The following TRPV1 variants were observed in gnomAD, a reference collection of about 807,000 sequenced individuals.
TRPV1 encodes the protein transient receptor potential cation channel subfamily V member 1.
Under a neutral mutation model 82.3 loss-of-function variants are expected in TRPV1, and 82 were observed. That is an observed-to-expected ratio of 1.00 (90% CI 0.83 to 1.20). The LOEUF is 1.20. Among genes scored for constraint, TRPV1 ranks in the 50% most tolerant of loss-of-function variants. TRPV1 has a pLI of 0.00. For synonymous variants in TRPV1, 515 were observed against 467.7 expected (o/e 1.10, Z -1.30); for missense variants, 1,067 against 1,096.8 (o/e 0.97, Z 0.38).
intron 2 of TRPV1, among the ~76,000 whole-genome samples, chr17:3,595,230 A>G (rs1466695612): frequency 6.6e-6 from 1 of 152,156 alleles, no homozygotes; most frequent in Non-Finnish European, 1.5e-5. Flanking sequence ...TCATTCCCAC[A>G]ACATCCCTAA....
At position 3,574,536 on chromosome 17, in the gene TRPV1, C is replaced by T. The variant is rs1214033106; in HGVS notation, c.1781-581G>A. On this transcript the variant is annotated intron_variant, in intron 13 of 16. Coordinates refer to ENST00000572705, the MANE Select transcript of TRPV1 (RefSeq NM_080704.4). ...TAGGTCTCTCTTAGTCACAGGTGCC[C>T]ATCCCTCCCAGCCAGGGATTCCAAC... is the stretch of plus-strand genomic sequence containing the variant. Among the ~76,000 whole-genome samples the T allele has an allele frequency of 3.9e-5, 6 of 152,348 alleles. 1 individual carries two copies. The South Asian group carries it at 1.0e-3, about 26-fold the overall frequency.
intron 2 of TRPV1, among the ~76,000 whole-genome samples, chr17:3,594,451 C>A (rs546122988): frequency 6.6e-6 from 1 of 152,236 alleles, no homozygotes; most frequent in African/African-American, 2.4e-5. Flanking sequence ...ACAACTGGGC[C>A]ATGGCTGTAA....
At chr17:3,589,081 C>A in intron 7 of TRPV1, 1 of 941,482 alleles carries the variant, frequency 1.1e-6, no homozygotes, top group Admixed American at 2.0e-5. Flanking sequence ...AGGCCAAGAG[C>A]TGGAGGCCTG....
At chr17:3,597,017 C>G (rs144321894) in intron 2 of TRPV1, 2,305 of 152,472 alleles carry the variant, frequency 0.015, 36 homozygotes, top group Non-Finnish European at 0.022. Flanking sequence ...GAAGAGTGGT[C>G]TCCCCGCCTC....
chr17:3,591,459 A>G (rs950786081), intron 3 of TRPV1, 106 bp from the exon 4 acceptor site: 3 of 1,351,522 alleles, frequency 2.2e-6, no homozygotes, highest in African/African-American at 2.9e-5. Context: ...CAAACCAAAA[A>G]GGGGAAAAAT....
At chr17:3,587,380 G>A (rs1195196581) in intron 8 of TRPV1, among the ~76,000 whole-genome samples, 1 of 152,184 alleles carries the variant, frequency 6.6e-6, no homozygotes, top group Non-Finnish European at 1.5e-5. Context: ...TGCCTTAGGA[G>A]CTCAGAGCAT....
intron 13 of TRPV1, among the ~76,000 whole-genome samples, chr17:3,576,522 G>A (rs1450114083): frequency 6.6e-6 from 1 of 151,444 alleles, no homozygotes; most frequent in African/African-American, 2.4e-5. Flanking sequence ...CGTGGTAGCA[G>A]GCACTTGTAG....
chr17:3,579,374 G>C (rs965619025), intron 11 of TRPV1, among the ~76,000 whole-genome samples: 2 of 152,128 alleles, frequency 1.3e-5, no homozygotes, highest in African/African-American at 4.8e-5. Context: ...ACTGTGAGCC[G>C]AGATCCCAGG....
Position 3,591,204 on chromosome 17 carries a change from G to A in TRPV1, c.434C>T (p.Thr145Ile). 1 of 1,611,146 alleles carries A rather than the reference G, an allele frequency of 6.2e-7. No homozygotes were observed. Among genetic ancestry groups the A allele is most frequent in the Non-Finnish European group, 8.5e-7 (1 of 1,178,842 alleles). ...LFLQKSKKHL[T>I]DNEFKDPETG... ...GGGGCCACCTTTGAACTCGTTGTCT[G>A]TGAGGTGCTTCTTGCTCTTCTGCAG... Residue 145 changes from threonine (T) to isoleucine (I), a missense_variant, in exon 4 of 17, where the codon ACA becomes ATA. Thr to Ile is a moderately conservative substitution (Grantham distance 89). Transcript: ENST00000572705.
At chr17:3,593,244 A>G (rs62069907) in intron 2 of TRPV1, among the ~76,000 whole-genome samples, 33,269 of 151,698 alleles carry the variant, frequency 0.22, 4,046 homozygotes, top group South Asian at 0.28. Context: ...CAGCCTCCCA[A>G]GTAGCTGGGA....
At position 3,589,951 on chromosome 17, in the gene TRPV1, G is replaced by A. The variant is rs201881749; in HGVS notation, c.900C>T (p.Ala300=). ...TGCTCGTCACAAACTTCGTGTTGTC[G>A]GCCGTGTTGTCGGCCACCTCCACCA... The part of the protein sequence containing the change: ...HALVEVADNT[A]DNTKFVTSMY... The change falls in exon 7 of 17, where the codon GCC becomes GCT. Residue 300 remains alanine (A), a synonymous_variant. Coordinates refer to ENST00000572705, the MANE Select transcript of TRPV1 (RefSeq NM_080704.4). 3.7e-5 allele frequency: 58 copies of A among 1,568,020 alleles called. No individual in the cohort carries two copies. The highest frequency in any genetic ancestry group is 1.5e-4 in the African/African-American group (11 of 73,654).
rs1424895051 is a variant in TRPV1, at chr17:3,585,544, G to C, written c.1383+224C>G. ...CACAGGACCTCAAGGTTAAAGGAGA[G>C]GAACTGAGAAGCGGGAAGGGGGCGG... On this transcript the variant is annotated intron_variant, in intron 9 of 16. Transcript: ENST00000572705. The C allele has an allele frequency of 5.5e-6, 3 of 547,704 alleles. No individual in the cohort carries two copies. The Admixed American group carries it at 9.4e-5, about 17-fold the overall frequency. 33.9% of individuals were successfully genotyped at this position (547,704 alleles called of 1,614,324 possible).
intron 9 of TRPV1, among the ~76,000 whole-genome samples, chr17:3,583,995 G>A (rs538020488): frequency 6.2e-4 from 94 of 152,294 alleles, no homozygotes; most frequent in South Asian, 1.0e-3. Context: ...CACTGGCCGG[G>A]TGCAGTGGCT....
intron 2 of TRPV1, among the ~76,000 whole-genome samples, chr17:3,593,428 C>T (rs1452919856): frequency 6.6e-6 from 1 of 152,054 alleles, no homozygotes; most frequent in Non-Finnish European, 1.5e-5. Flanking sequence ...TGCTATTTTC[C>T]ACTCCCATCC....
In TRPV1 at chr17:3,592,057, G is replaced by A. The variant is rs756478432; in HGVS notation, c.284+10C>T. The A allele has an allele frequency of 2.1e-5, 33 of 1,606,996 alleles. No homozygotes were observed. Among genetic ancestry groups the A allele is most frequent in the Non-Finnish European group, 2.6e-5 (30 of 1,175,530 alleles). On this transcript the variant is annotated intron_variant, in intron 3 of 16. Transcript: ENST00000572705. ...CCCAGCAGGGAGGGGGGCTCCAGACGCGGACTTACCTGGCACCGGTGGGGC... is the reference window on the plus strand; with the variant it reads ...CCCAGCAGGGAGGGGGGCTCCAGACACGGACTTACCTGGCACCGGTGGGGC...
intron 12 of TRPV1, 107 bp from the exon 13 acceptor site, chr17:3,577,299 G>T: frequency 1.6e-6 from 2 of 1,232,566 alleles, no homozygotes; most frequent in Non-Finnish European, 1.2e-6. Context: ...CGTGCAGGGC[G>T]GTTTGCTTTG....
At chr17:3,589,301 A>C (rs1361870516) in intron 7 of TRPV1, among the ~76,000 whole-genome samples, 1 of 151,276 alleles carries the variant, frequency 6.6e-6, no homozygotes, top group Middle Eastern at 3.2e-3. Context: ...CCGCCTCCCA[A>C]GTTCAAGTGA....
At chr17:3,580,600 C>A in intron 10 of TRPV1, 73 bp from the exon 11 acceptor site, 1 of 1,491,332 alleles carries the variant, frequency 6.7e-7, no homozygotes, top group East Asian at 2.3e-5. Context: ...TCAGATGCTT[C>A]CTAAATGGCA....
intron 2 of TRPV1, among the ~76,000 whole-genome samples, chr17:3,594,161 A>AAAAAAAAAAAT (rs1233566819): frequency 9.1e-6 from 1 of 110,278 alleles, no homozygotes; most frequent in African/African-American, 1.5e-4. Context: ...AAGAAGCAGC[A>AAAAAAAAAAAT]GCAGCAGCAG....
Sources: gnomAD v4.1 joint callset for allele counts (sites outside exome capture counted in the v4.1 genomes callset) on GRCh38, gnomAD v4.1.1 for gene constraint, MANE v1.5 for transcripts, NCBI Gene and HGNC (gene_info 2026-07-23, HGNC 2026-07-21) for gene names.